The following DNAH8 variants were observed in gnomAD, a reference collection of about 807,000 sequenced individuals.
The protein encoded by DNAH8 is dynein axonemal heavy chain 8, also known as axonemal beta dynein heavy chain 8.
Under a neutral mutation model 562.1 loss-of-function variants are expected in DNAH8, and 382 were observed. The observed-to-expected ratio is 0.68, with a 90% CI of 0.63 to 0.74. DNAH8 has a LOEUF of 0.74. DNAH8 is among the 30% of genes least tolerant of loss of function. The pLI is 0.00. For missense variants in DNAH8, 5,203 were observed against 5,620.4 expected (o/e 0.93, Z 2.37); for synonymous variants, 1,881 against 1,919.4 (o/e 0.98, Z 0.52).
intron 3 of DNAH8, among the ~76,000 whole-genome samples, 175 bp downstream of exon 3, chr6:38,723,646 T>C (rs967549955): frequency 1.2e-4 from 19 of 152,018 alleles, no homozygotes; most frequent in African/African-American, 4.3e-4. Context: ...AGGCTGAGGT[T>C]TGGGGATTGC....
At chr6:38,831,154 G>A (rs982090795) in intron 30 of DNAH8, among the ~76,000 whole-genome samples, 1 of 152,116 alleles carries the variant, frequency 6.6e-6, no homozygotes, top group Non-Finnish European at 1.5e-5. Context: ...GCTGAGCATG[G>A]TGGCTCACAC....
intron 33 of DNAH8, 25 bp downstream of exon 33, chr6:38,838,067 T>A: frequency 7.0e-7 from 1 of 1,433,186 alleles, no homozygotes. Flanking sequence ...TAAGCAAGTA[T>A]TACATGCAAA....
chr6:38,833,464 C>T (rs775639321), intron 31 of DNAH8, among the ~76,000 whole-genome samples: 1 of 152,040 alleles, frequency 6.6e-6, no homozygotes, highest in African/African-American at 2.4e-5. Context: ...TCTGAAGAAT[C>T]CCTGAACAGA....
intron 26 of DNAH8, among the ~76,000 whole-genome samples, chr6:38,817,227 C>T (rs1392857926): frequency 2.0e-5 from 3 of 152,154 alleles, no homozygotes; most frequent in African/African-American, 7.2e-5. Context: ...CACCTGTAAT[C>T]CTAGCTACTG....
intron 42 of DNAH8, 51 bp from the exon 43 acceptor site, chr6:38,860,392 CACATGCTTATGTTT>C: frequency 1.1e-6 from 1 of 937,014 alleles, no homozygotes; most frequent in East Asian, 3.2e-5. Context: ...AAAAACTGCC[CACATGCTTATGTTT>C]TATGCTATTG....
intron 88 of DNAH8, among the ~76,000 whole-genome samples, chr6:38,993,280 G>A (rs1764913554): frequency 3.3e-5 from 5 of 152,128 alleles, no homozygotes; most frequent in Admixed American, 2.6e-4. Context: ...TAGAGGTCAA[G>A]ATTTCTTTGC....
chr6:39,015,411 C>G lies in DNAH8; in HGVS notation c.13714+2774C>G, dbSNP rs1300890490. Among the ~76,000 whole-genome samples, 4 of 152,180 alleles carry G rather than the reference C, an allele frequency of 2.6e-5. No homozygotes were observed. The East Asian group carries it at 7.7e-4, about 29-fold the overall frequency. On this transcript the variant is annotated intron_variant, in intron 91 of 92. Transcript: ENST00000327475. ...CATGATATGGTTTGGCTCTGCGTCC[C>G]CACCCAAAACTCATCTCAAATAGTA...
intron 7 of DNAH8, among the ~76,000 whole-genome samples, chr6:38,738,581 A>G (rs1354383529): frequency 1.3e-5 from 2 of 152,180 alleles, no homozygotes; most frequent in East Asian, 1.9e-4. Context: ...GATTCTAGGA[A>G]CCGCCCCCCA....
chr6:38,796,683 G>A (rs9394539), intron 21 of DNAH8, among the ~76,000 whole-genome samples: 19,566 of 152,074 alleles, frequency 0.13, 1,545 homozygotes, highest in East Asian at 0.37. Flanking sequence ...CATGCAGCCC[G>A]CAGTCACGTA....
intron 16 of DNAH8, among the ~76,000 whole-genome samples, chr6:38,782,128 A>T (rs982862944): frequency 2.6e-5 from 4 of 151,250 alleles, no homozygotes; most frequent in African/African-American, 9.7e-5. Flanking sequence ...TCTGAATATC[A>T]AAAAAAAATT....
At chr6:38,780,817 C>T (rs76368309) in intron 15 of DNAH8, among the ~76,000 whole-genome samples, 4,877 of 152,048 alleles carry the variant, frequency 0.032, 249 homozygotes, top group African/African-American at 0.11. Flanking sequence ...AACAAACAAA[C>T]AAACATGTAA....
intron 32 of DNAH8, among the ~76,000 whole-genome samples, chr6:38,836,797 G>T (rs1217690488): frequency 6.6e-6 from 1 of 152,100 alleles, no homozygotes; most frequent in African/African-American, 2.4e-5. Context: ...ATTTTGGGGA[G>T]TTCTTGGGCA....
At chr6:38,833,427 TAAAGTA>T (rs1018790281) in intron 31 of DNAH8, among the ~76,000 whole-genome samples, 7 of 152,142 alleles carry the variant, frequency 4.6e-5, no homozygotes, top group African/African-American at 1.7e-4. Flanking sequence ...ATTCTATTGT[TAAAGTA>T]AATTTAAAAT....
In DNAH8 at chr6:38,875,636, G is replaced by C; in HGVS notation, c.7666G>C (p.Gly2556Arg). 6.2e-7 allele frequency: 1 copy of C among 1,613,240 alleles called. No homozygotes were observed. The highest frequency in any genetic ancestry group is 1.7e-5 in the Admixed American group (1 of 59,998). The change falls in exon 53 of 93, where the codon GGT (glycine) becomes CGT (arginine). Residue 2556 changes from glycine (G) to arginine (R), a missense_variant. By Grantham distance (125) the Gly-to-Arg change is moderately radical. Transcript: ENST00000327475. ...EGLIPSKEEG[G>R]VSCVEHLHKL... ...GTTAATTCCCTCCAAAGAAGAAGGC[G>C]GTGTTTCCTGTGTCGAACATCTTCA...
At chr6:38,760,159 T>C (rs977429644) in intron 10 of DNAH8, among the ~76,000 whole-genome samples, 1 of 152,236 alleles carries the variant, frequency 6.6e-6, no homozygotes, top group Admixed American at 6.5e-5. Context: ...TTATTTCTTT[T>C]GCTGAAAAAA....
chr6:38,948,075 CA>C (rs1561901748), intron 80 of DNAH8, among the ~76,000 whole-genome samples: 1 of 151,818 alleles, frequency 6.6e-6, no homozygotes, highest in East Asian at 2.0e-4. Flanking sequence ...TTTAGTGCCC[CA>C]GGGACAAAGT....
rs149680081 is a variant in DNAH8 at position 38,950,660 on chromosome 6, C to G, written c.12249-658C>G. On this transcript the variant is annotated intron_variant, in intron 81 of 92. Coordinates refer to ENST00000327475, the MANE Select transcript of DNAH8 (RefSeq NM_001206927.2). ...TTCACTGTGTTAGTCAGGATGGTCT[C>G]GATCTCCTAACCTCGTGATCTGCCA... is the stretch of plus-strand genomic sequence containing the variant. Among the ~76,000 whole-genome samples the G allele has an allele frequency of 2.4e-4, 36 of 152,148 alleles. 2 individuals are homozygous for G. The East Asian group carries it at 6.4e-3, about 27-fold the overall frequency.
chr6:38,984,076 A>C, intron 86 of DNAH8, 130 bp from the exon 87 acceptor site: 1 of 580,926 alleles, frequency 1.7e-6, no homozygotes. Context: ...ATATAAGACG[A>C]TGAATAATTT....
intron 44 of DNAH8, among the ~76,000 whole-genome samples, chr6:38,863,051 C>T (rs1433271472): frequency 2.0e-5 from 3 of 152,134 alleles, no homozygotes; most frequent in South Asian, 2.1e-4. Context: ...ATCTCTAGCT[C>T]GGACTTCTTG....
Sources: gnomAD v4.1 joint callset for allele counts (sites outside exome capture counted in the v4.1 genomes callset) on GRCh38, gnomAD v4.1.1 for gene constraint, MANE v1.5 for transcripts, NCBI Gene and HGNC (gene_info 2026-07-23, HGNC 2026-07-21) for gene names.